The following CACNA1C variants were observed in gnomAD, a reference collection of about 807,000 sequenced individuals.
CACNA1C encodes the protein voltage-dependent L-type calcium channel subunit alpha-1C.
CACNA1C carries 30 observed loss-of-function variants against 229.0 expected under a neutral mutation model. That is an observed-to-expected ratio of 0.13 (90% CI 0.10 to 0.18). The LOEUF is 0.18. CACNA1C is among the 10% of genes least tolerant of loss of function. The probability of loss-of-function intolerance (pLI) is 1.00; values close to 1 mark genes in which losing one functional copy is unlikely to be tolerated. For synonymous variants in CACNA1C, 1,114 were observed against 1,132.5 expected (o/e 0.98, Z 0.33); for missense variants, 1,658 against 2,845.0 (o/e 0.58, Z 9.49).
intron 3 of CACNA1C, among the ~76,000 whole-genome samples, chr12:2,343,546 T>C (rs2096923248): frequency 6.6e-6 from 1 of 152,178 alleles, no homozygotes; most frequent in Non-Finnish European, 1.5e-5. Flanking sequence ...AAAAAAATTA[T>C]TTGTTGTTTA....
chr12:2,594,109 C>T (rs1480533660), intron 19 of CACNA1C, among the ~76,000 whole-genome samples: 1 of 152,182 alleles, frequency 6.6e-6, no homozygotes, highest in Non-Finnish European at 1.5e-5. Flanking sequence ...TTATTTGTAG[C>T]TGCTTTTAAC....
chr12:2,377,251 C>T (rs1171659721), intron 3 of CACNA1C, among the ~76,000 whole-genome samples: 1 of 152,190 alleles, frequency 6.6e-6, no homozygotes, highest in Non-Finnish European at 1.5e-5. Flanking sequence ...CAATGCCCTC[C>T]TCTCCCGGCC....
chr12:2,566,183 A>G lies in CACNA1C; in HGVS notation c.1509-239A>G, dbSNP rs1452719987. On this transcript the variant is annotated intron_variant, in intron 11 of 46. Coordinates refer to ENST00000399655, the MANE Select transcript of CACNA1C (RefSeq NM_000719.7). This position sits in a 1 kb window ranked among gnomAD's most constrained non-coding sequence, Gnocchi z 4.0. The stretch of plus-strand genomic sequence containing the variant: ...AAGGTATTTGATCCATCCCCACAAT[A>G]ACCCCATGAGGTCGGCCCTCTTCCC... Among the ~76,000 whole-genome samples, 1 of 152,180 alleles carries G rather than the reference A, an allele frequency of 6.6e-6. No homozygotes were observed. Among genetic ancestry groups the G allele is most frequent in the Non-Finnish European group, 1.5e-5 (1 of 68,024 alleles).
In CACNA1C at chr12:2,693,584, C is replaced by T. The variant is rs2097811238; in HGVS notation, c.*2385C>T. 1 of 152,212 alleles carries T rather than the reference C, an allele frequency of 6.6e-6. No individual in the cohort carries two copies. The highest frequency in any genetic ancestry group is 1.5e-5 in the Non-Finnish European group (1 of 68,082). 9.4% of individuals were successfully genotyped at this position (152,212 alleles called of 1,614,324 possible). ...ACTCTGGAGCAGCCTTTCCTTCAGG[C>T]TTGCCCTAATGTTTGGGCTGCCGGG... is the stretch of plus-strand genomic sequence containing the variant. On this transcript the variant is annotated 3_prime_UTR_variant, in exon 47 of 47. Transcript: ENST00000399655.
chr12:2,580,016 C>G (rs1286762195), intron 13 of CACNA1C, among the ~76,000 whole-genome samples: 2 of 152,190 alleles, frequency 1.3e-5, no homozygotes, highest in Non-Finnish European at 2.9e-5. Flanking sequence ...ACTACAGCCT[C>G]TAGCCTGCAG....
At chr12:2,256,789 G>A (rs1242005543) in intron 3 of CACNA1C, among the ~76,000 whole-genome samples, 2 of 152,150 alleles carry the variant, frequency 1.3e-5, no homozygotes, top group African/African-American at 4.8e-5. Context: ...AGGAGATTCA[G>A]GGTGTAGTAT....
intron 2 of CACNA1C, among the ~76,000 whole-genome samples, chr12:2,117,186 G>A (rs2084311533): frequency 6.6e-6 from 1 of 152,220 alleles, no homozygotes; most frequent in Non-Finnish European, 1.5e-5. Flanking sequence ...CAAGAGAATT[G>A]CTTGAACTCG....
Position 2,581,441 on chromosome 12 carries a change from C to T in CACNA1C, c.1896-149C>T, listed in dbSNP as rs1396904569. 2.7e-5 allele frequency: 18 copies of T among 658,900 alleles called. 1 individual carries two copies. In the South Asian group the frequency reaches 3.7e-4, roughly 13 times the overall value. 40.8% of individuals were successfully genotyped at this position (658,900 alleles called of 1,614,324 possible). A position where few individuals can be genotyped will look rare whatever the true frequency, so the allele number is the denominator to read the frequency against. On this transcript the variant is annotated intron_variant, in intron 13 of 46. Coordinates refer to ENST00000399655, the MANE Select transcript of CACNA1C (RefSeq NM_000719.7). ...CTCCCTCCAGGGTGGCAACTCACAC[C>T]ACCACCAACACGCATCCCCCACGGG...
intron 29 of CACNA1C, among the ~76,000 whole-genome samples, chr12:2,616,338 C>T (rs569150695): frequency 6.6e-6 from 1 of 152,354 alleles, no homozygotes; most frequent in South Asian, 2.1e-4. Context: ...TCTCTCATCC[C>T]CCTACCCTTT....
At chr12:2,417,194 T>C (rs1339311752) in intron 3 of CACNA1C, among the ~76,000 whole-genome samples, 1 of 152,170 alleles carries the variant, frequency 6.6e-6, no homozygotes, top group Non-Finnish European at 1.5e-5. Flanking sequence ...AAGTGGCCGT[T>C]TCCATGCGTG....
At chr12:2,461,868 G>A (rs564002372) in intron 5 of CACNA1C, among the ~76,000 whole-genome samples, 25 of 152,258 alleles carry the variant, frequency 1.6e-4, no homozygotes, top group African/African-American at 4.8e-4. Flanking sequence ...GGATGATGGC[G>A]ACAGCCTCCT....
chr12:2,248,419 C>T (rs1050972138), intron 3 of CACNA1C, among the ~76,000 whole-genome samples: 4 of 152,302 alleles, frequency 2.6e-5, no homozygotes, highest in Middle Eastern at 3.4e-3. Flanking sequence ...GTGAAGGAAC[C>T]GAGGCCGCCT....
intron 3 of CACNA1C, among the ~76,000 whole-genome samples, chr12:2,208,763 A>G (rs2097836204): frequency 6.6e-6 from 1 of 152,198 alleles, no homozygotes; most frequent in African/African-American, 2.4e-5. Context: ...TAGGCTATCC[A>G]TCCTCTTTTG....
intron 1 of CACNA1C, among the ~76,000 whole-genome samples, chr12:2,031,676 T>A (rs1022789947): frequency 6.6e-6 from 1 of 152,212 alleles, no homozygotes; most frequent in African/African-American, 2.4e-5. Flanking sequence ...GGGGAGATTT[T>A]AAAATTCTGA....
chr12:2,183,449 C>T (rs114466458), intron 3 of CACNA1C, among the ~76,000 whole-genome samples: 1 of 152,332 alleles, frequency 6.6e-6, no homozygotes, highest in African/African-American at 2.4e-5. Context: ...TCTATTTCCA[C>T]AAGTGTGGGA....
chr12:2,165,232 C>G (rs1192082990), intron 3 of CACNA1C, among the ~76,000 whole-genome samples: 1 of 152,172 alleles, frequency 6.6e-6, no homozygotes, highest in Non-Finnish European at 1.5e-5. Context: ...TAAACCTGCA[C>G]TTTTAAACAA....
rs765021607 is a variant in CACNA1C, at chr12:1,971,153, A to G, written c.91A>G (p.Thr31Ala). ...CAACACGGAGGTCAAGTTTAAGGGT[A>G]CTTTGGTGCATGAAGCTCAACTCAA... The change falls in exon 1 of 47, where the codon ACT becomes GCT. Residue 31 changes from threonine (T) to alanine (A), a missense_variant. Physicochemically the swap from Thr to Ala is moderately conservative, Grantham distance 58. Coordinates refer to the CACNA1C transcript ENST00000682462. The surrounding 1 kb of genome is among the most constrained non-coding windows in gnomAD (Gnocchi z 4.2). The G allele has an allele frequency of 7.8e-7, 1 of 1,289,228 alleles. No homozygotes were observed. The highest frequency in any genetic ancestry group is 1.2e-5 in the South Asian group (1 of 81,000). 79.9% of individuals were successfully genotyped at this position (1,289,228 alleles called of 1,614,324 possible).
intron 3 of CACNA1C, among the ~76,000 whole-genome samples, chr12:2,419,480 A>G (rs902085572): frequency 2.6e-5 from 4 of 152,140 alleles, no homozygotes; most frequent in Non-Finnish European, 4.4e-5. Context: ...ACATTTCAAC[A>G]TGAGATTTGA....
At chr12:2,247,800 G>A (rs998623794) in intron 3 of CACNA1C, among the ~76,000 whole-genome samples, 2 of 151,902 alleles carry the variant, frequency 1.3e-5, no homozygotes, top group Admixed American at 1.3e-4. Context: ...ACTTAGTCTC[G>A]TTCTCACCTG....
Sources: gnomAD v4.1 joint callset for allele counts (sites outside exome capture counted in the v4.1 genomes callset) on GRCh38, gnomAD v4.1.1 for gene constraint, Gnocchi (gnomAD v3.1) non-coding constraint, MANE v1.5 for transcripts, NCBI Gene and HGNC (gene_info 2026-07-23, HGNC 2026-07-21) for gene names.